Variants in LHFPL3 observed in about 807,000 individuals in gnomAD.
LHFPL3 encodes LHFPL tetraspan subfamily member 3 protein.
Under a neutral mutation model 19.3 loss-of-function variants are expected in LHFPL3, and 5 were observed. That is an observed-to-expected ratio of 0.26 (90% CI 0.14 to 0.54). The LOEUF (loss-of-function observed/expected upper bound fraction) is 0.54, where lower values mean the gene tolerates loss of function less well. Ranked by LOEUF, LHFPL3 falls within the 20% of genes least tolerant of loss-of-function variation. LHFPL3 has a pLI of 0.94. For synonymous variants in LHFPL3, 133 were observed against 126.2 expected (o/e 1.05, Z -0.36); for missense variants, 249 against 307.4 (o/e 0.81, Z 1.42).
intron 1 of LHFPL3, among the ~76,000 whole-genome samples, chr7:104,443,748 A>T (rs915623232): frequency 6.6e-6 from 1 of 152,258 alleles, no homozygotes; most frequent in South Asian, 2.1e-4. Context: ...TAGATTGCAG[A>T]TGCTGATGCA....
intron 1 of LHFPL3, among the ~76,000 whole-genome samples, chr7:104,424,343 C>T (rs961177812): frequency 1.1e-4 from 16 of 152,112 alleles, no homozygotes; most frequent in African/African-American, 2.7e-4. Context: ...TGCGGCTGTA[C>T]GAAGGTACAG....
chr7:104,686,973 C>G (rs1484655143), intron 1 of LHFPL3, among the ~76,000 whole-genome samples: 2 of 152,194 alleles, frequency 1.3e-5, no homozygotes, highest in Non-Finnish European at 2.9e-5. Flanking sequence ...ATGAGAACAG[C>G]ATGGGGCAAC....
At chr7:104,585,705 G>T (rs183147286) in intron 1 of LHFPL3, among the ~76,000 whole-genome samples, 1 of 152,214 alleles carries the variant, frequency 6.6e-6, no homozygotes, top group East Asian at 1.9e-4. Flanking sequence ...GAAATGAAAA[G>T]TTATTAAACT....
chr7:104,442,752 A>G (rs1039359969), intron 1 of LHFPL3, among the ~76,000 whole-genome samples: 3 of 152,148 alleles, frequency 2.0e-5, no homozygotes, highest in African/African-American at 7.2e-5. Flanking sequence ...GTGCCTTTTT[A>G]AAGTGTCTCC....
At chr7:104,495,364 T>C (rs1793442120) in intron 1 of LHFPL3, among the ~76,000 whole-genome samples, 1 of 149,548 alleles carries the variant, frequency 6.7e-6, no homozygotes, top group Non-Finnish European at 1.5e-5. Flanking sequence ...TACACAGCCA[T>C]GTCTGGCTAT....
chr7:104,536,923 C>T (rs1794399438), intron 1 of LHFPL3, among the ~76,000 whole-genome samples: 1 of 152,188 alleles, frequency 6.6e-6, no homozygotes. Context: ...CCTCCTTCTC[C>T]TATATTCTTT....
At chr7:104,752,727 T>G (rs1794198965) in intron 2 of LHFPL3, 1 of 395,682 alleles carries the variant, frequency 2.5e-6, no homozygotes, top group South Asian at 1.3e-4. Context: ...TAAGGCTGAC[T>G]GTAGACGTAC....
At chr7:104,358,825 T>C (rs537890849) in intron 1 of LHFPL3, among the ~76,000 whole-genome samples, 15 of 152,378 alleles carry the variant, frequency 9.8e-5, no homozygotes, top group African/African-American at 3.6e-4. Flanking sequence ...CTTTTCAGGC[T>C]GGATCTTTAT....
chr7:104,569,001 G>A (rs1790176714), intron 1 of LHFPL3, among the ~76,000 whole-genome samples: 1 of 152,152 alleles, frequency 6.6e-6, no homozygotes, highest in Non-Finnish European at 1.5e-5. Context: ...ATCTCCCAAA[G>A]AATTAATAAA....
At chr7:104,608,508 A>T (rs1266860720) in intron 1 of LHFPL3, among the ~76,000 whole-genome samples, 2 of 46,226 alleles carry the variant, frequency 4.3e-5, no homozygotes, top group Non-Finnish European at 7.9e-5. Context: ...GGGTGGGGGG[A>T]GGGGGGAGGG....
intron 2 of LHFPL3, among the ~76,000 whole-genome samples, chr7:104,878,284 A>C (rs1791986912): frequency 6.6e-6 from 1 of 152,044 alleles, no homozygotes; most frequent in Non-Finnish European, 1.5e-5. Context: ...TTTTAAACAA[A>C]TTGAAGGTTT....
At chr7:104,861,104 G>A (rs566163915) in intron 2 of LHFPL3, among the ~76,000 whole-genome samples, 9 of 152,174 alleles carry the variant, frequency 5.9e-5, no homozygotes, top group African/African-American at 1.4e-4. Context: ...TGTTGATAAA[G>A]GTTTCTTTCA....
Position 104,554,675 on chromosome 7 carries a change from A to ATAGT in LHFPL3, c.446-181997_446-181996insTTAG, listed in dbSNP as rs1554406545. Among the ~76,000 whole-genome samples the ATAGT allele has an allele frequency of 4.1e-3, 618 of 151,280 alleles. 4 individuals are homozygous for ATAGT. The highest frequency in any genetic ancestry group is 0.014 in the African/African-American group (585 of 40,808). On this transcript the variant is annotated intron_variant, in intron 1 of 2. Coordinates refer to ENST00000424859, the MANE Select transcript of LHFPL3 (RefSeq NM_199000.3). ...GATAGATAGATAGATAGATAGATAGATAGATAGATAGATAGACAGACAGAT... is the reference window on the plus strand; with the variant it reads ...GATAGATAGATAGATAGATAGATAGATAGTTAGATAGATAGATAGACAGACAGAT...
chr7:104,727,040 A>C (rs1472769650), intron 1 of LHFPL3, among the ~76,000 whole-genome samples: 6 of 152,168 alleles, frequency 3.9e-5, no homozygotes, highest in Non-Finnish European at 8.8e-5. Context: ...TGGCATGAGA[A>C]GCATCTCATT....
At chr7:104,905,924 C>G (rs1044673052) in intron 2 of LHFPL3, among the ~76,000 whole-genome samples, 2 of 152,196 alleles carry the variant, frequency 1.3e-5, no homozygotes, top group Non-Finnish European at 2.9e-5. Context: ...TTTCCTTGCT[C>G]CTTCAAAGCA....
chr7:104,770,859 T>C (rs553463410), intron 2 of LHFPL3, among the ~76,000 whole-genome samples: 1 of 152,302 alleles, frequency 6.6e-6, no homozygotes, highest in East Asian at 1.9e-4. Flanking sequence ...TCCTTGATGA[T>C]CCCTCCTCAC....
rs78640881 is a variant in LHFPL3, at chr7:104,523,973, C to T, written c.445+194749C>T. ...AAATTCCTTCAGATGATTCTGATGC[C>T]GTCAATTAATCTGTAAACAGGTGTT... On this transcript the variant is annotated intron_variant, in intron 1 of 2. Transcript: ENST00000424859. Among the ~76,000 whole-genome samples the T allele has an allele frequency of 6.0e-3, 920 of 152,192 alleles. 11 individuals carry two copies. Among genetic ancestry groups the T allele is most frequent in the African/African-American group, 0.021 (860 of 41,538 alleles).
At chr7:104,716,281 AG>A (rs1372635459) in intron 1 of LHFPL3, among the ~76,000 whole-genome samples, 2 of 152,072 alleles carry the variant, frequency 1.3e-5, no homozygotes, top group Non-Finnish European at 2.9e-5. Flanking sequence ...CAAGAGGCAA[AG>A]GTTGCAGTGA....
intron 1 of LHFPL3, among the ~76,000 whole-genome samples, chr7:104,575,606 CAG>C (rs1238163408): frequency 3.4e-5 from 5 of 145,630 alleles, no homozygotes; most frequent in African/African-American, 5.2e-5. Context: ...GCAACCTGCC[CAG>C]AGAGTCCCAA....
Sources: gnomAD v4.1 joint callset for allele counts (sites outside exome capture counted in the v4.1 genomes callset) on GRCh38, gnomAD v4.1.1 for gene constraint, MANE v1.5 for transcripts, NCBI Gene and HGNC (gene_info 2026-07-23, HGNC 2026-07-21) for gene names.